NRXN3: variants seen among roughly 807,000 people sequenced by gnomAD.
The protein encoded by NRXN3 is neurexin III.
NRXN3 carries 32 observed loss-of-function variants against 137.6 expected under a neutral mutation model. The ratio of observed to expected loss-of-function variants is 0.23; its 90% CI spans 0.18 to 0.31. The LOEUF (loss-of-function observed/expected upper bound fraction) is 0.31, where lower values mean the gene tolerates loss of function less well. NRXN3 is among the 10% of genes least tolerant of loss of function. NRXN3 has a pLI of 1.00. For synonymous variants in NRXN3, 798 were observed against 784.5 expected (o/e 1.02, Z -0.29); for missense variants, 1,574 against 2,062.5 (o/e 0.76, Z 4.59).
At chr14:78,380,943 T>C (rs2088970085) in intron 4 of NRXN3, among the ~76,000 whole-genome samples, 1 of 152,172 alleles carries the variant, frequency 6.6e-6, no homozygotes, top group African/African-American at 2.4e-5. Flanking sequence ...CAAGACTGTG[T>C]GTTACTGGTA....
At chr14:79,815,255 G>T (rs899664845) in intron 20 of NRXN3, among the ~76,000 whole-genome samples, 1 of 152,178 alleles carries the variant, frequency 6.6e-6, no homozygotes. Flanking sequence ...ATGACACTTT[G>T]TAACAACTTT....
intron 10 of NRXN3, among the ~76,000 whole-genome samples, chr14:78,925,129 G>C (rs897062746): frequency 6.6e-6 from 1 of 152,168 alleles, no homozygotes; most frequent in Admixed American, 6.5e-5. Flanking sequence ...ATCCTATCTG[G>C]ATCTGTTAGG....
intron 19 of NRXN3, among the ~76,000 whole-genome samples, chr14:79,775,421 G>T (rs2099093599): frequency 6.6e-6 from 1 of 152,008 alleles, no homozygotes; most frequent in African/African-American, 2.4e-5. Flanking sequence ...AGTTAGGGTA[G>T]TAGGATATGG....
chr14:78,473,758 G>A (rs577248236), intron 4 of NRXN3, among the ~76,000 whole-genome samples: 16 of 152,326 alleles, frequency 1.1e-4, no homozygotes, highest in East Asian at 1.9e-4. Flanking sequence ...GACTGGGGCC[G>A]GAGGATCCAC....
At chr14:79,533,634 G>A (rs2097187972) in intron 16 of NRXN3, among the ~76,000 whole-genome samples, 1 of 152,068 alleles carries the variant, frequency 6.6e-6, no homozygotes, top group African/African-American at 2.4e-5. Context: ...AATCGTCCCA[G>A]TAAACCCATG....
intron 15 of NRXN3, among the ~76,000 whole-genome samples, chr14:79,295,263 G>T (rs2083870235): frequency 6.6e-6 from 1 of 151,938 alleles, no homozygotes; most frequent in Non-Finnish European, 1.5e-5. Context: ...TTTTCATCCA[G>T]ATTGCCGTAT....
At chr14:78,436,039 G>A (rs1385288958) in intron 4 of NRXN3, among the ~76,000 whole-genome samples, 2 of 152,226 alleles carry the variant, frequency 1.3e-5, no homozygotes, top group Admixed American at 1.3e-4. Flanking sequence ...GGCTGCCAGA[G>A]TTTGTAGGCT....
chr14:79,398,268 C>A (rs2095083964), intron 15 of NRXN3, among the ~76,000 whole-genome samples: 1 of 152,140 alleles, frequency 6.6e-6, no homozygotes, highest in African/African-American at 2.4e-5. Flanking sequence ...TTTCCATTGC[C>A]CAGTTACAAA....
intron 8 of NRXN3, among the ~76,000 whole-genome samples, chr14:78,778,796 CTTTCTTTCTTTCTTTCTTTCTT>C (rs2098757299): frequency 1.7e-5 from 2 of 119,868 alleles, no homozygotes; most frequent in Non-Finnish European, 3.5e-5. Context: ...TTCTTTCTTT[CTTTCTTTCTTTCTTTCTTTCTT>C]TCTTTTCCTT....
chr14:78,555,813 A>G (rs2096732094), intron 4 of NRXN3, among the ~76,000 whole-genome samples: 1 of 152,244 alleles, frequency 6.6e-6, no homozygotes, highest in Non-Finnish European at 1.5e-5. Flanking sequence ...TTGTGCCAAG[A>G]TGGTGGCAAG....
intron 20 of NRXN3, among the ~76,000 whole-genome samples, chr14:79,808,127 A>G (rs923833842): frequency 2.0e-5 from 3 of 151,810 alleles, no homozygotes; most frequent in Admixed American, 6.6e-5. Context: ...AGTCCCAGCT[A>G]CTCGGGAGGC....
rs532214163 is a variant in NRXN3 at position 79,764,784 on chromosome 14, A to G, written c.4015-40328A>G. 2.0e-5 allele frequency among the ~76,000 whole-genome samples: 3 copies of G among 152,318 alleles called. No individual in the cohort carries two copies. The East Asian group carries it at 5.8e-4, about 29-fold the overall frequency. ...CTATGTGACTTTATCTAGGCCAAAA[A>G]AATGGGATAAAAAACATGCAAAACC... On this transcript the variant is annotated intron_variant, in intron 19 of 20. Coordinates refer to ENST00000335750, the MANE Select transcript of NRXN3 (RefSeq NM_001330195.2).
chr14:79,433,919 G>A (rs565229725), intron 15 of NRXN3, among the ~76,000 whole-genome samples: 5 of 152,248 alleles, frequency 3.3e-5, no homozygotes, highest in South Asian at 2.1e-4. Context: ...CTTTCACAAT[G>A]CAAAAGTTGA....
rs112795410 is a variant in NRXN3 at position 78,230,328 on chromosome 14, GTCTCTC to G, written c.-703-12045_-703-12040del. On this transcript the variant is annotated intron_variant, in intron 1 of 20. Coordinates refer to ENST00000335750, the MANE Select transcript of NRXN3 (RefSeq NM_001330195.2). ...TCTGTCTCTGTCTCTGTCTCTGTCT[GTCTCTC>G]TCTCTCTCTCTCTCTCTGGCAGTGA... is the stretch of plus-strand genomic sequence containing the variant. Among the ~76,000 whole-genome samples the G allele has an allele frequency of 9.4e-3, 1,401 of 148,806 alleles. 10 individuals carry two copies. The highest frequency in any genetic ancestry group is 0.015 in the Non-Finnish European group (1,013 of 67,084).
intron 15 of NRXN3, among the ~76,000 whole-genome samples, chr14:79,076,677 G>A (rs1401375457): frequency 2.0e-5 from 3 of 152,176 alleles, no homozygotes; most frequent in Non-Finnish European, 2.9e-5. Flanking sequence ...TTAGAAGTGA[G>A]TCAATAAGTA....
At chr14:79,535,008 G>A (rs554798491) in intron 16 of NRXN3, among the ~76,000 whole-genome samples, 1 of 152,242 alleles carries the variant, frequency 6.6e-6, no homozygotes, top group East Asian at 1.9e-4. Flanking sequence ...AAGAAAGAAT[G>A]TAATAGATAC....
chr14:78,472,740 T>C (rs916858942), intron 4 of NRXN3, among the ~76,000 whole-genome samples: 1 of 152,112 alleles, frequency 6.6e-6, no homozygotes, highest in South Asian at 2.1e-4. Flanking sequence ...CGTTGGAGTT[T>C]ATTTTGGGAA....
chr14:78,493,359 T>TAA (rs11352302), intron 4 of NRXN3, among the ~76,000 whole-genome samples: 2 of 144,108 alleles, frequency 1.4e-5, no homozygotes, highest in East Asian at 4.1e-4. Flanking sequence ...CTGTCTCTAT[T>TAA]AAAAAAAAAA....
Position 79,249,838 on chromosome 14 carries a change from A to G in NRXN3, c.3263-217383A>G, listed in dbSNP as rs548849298. Among the ~76,000 whole-genome samples the G allele has an allele frequency of 2.3e-4, 35 of 152,342 alleles. No individual in the cohort carries two copies. In the East Asian group the frequency reaches 3.5e-3, roughly 15 times the overall value. The stretch of plus-strand genomic sequence containing the variant: ...AAAGTGAGAATATCTAACCCAGTGT[A>G]CCTGCCTAGCAGCAGAGGGGAATCT... On this transcript the variant is annotated intron_variant, in intron 15 of 20. Transcript: ENST00000335750.
Sources: gnomAD v4.1 joint callset for allele counts (sites outside exome capture counted in the v4.1 genomes callset) on GRCh38, gnomAD v4.1.1 for gene constraint, MANE v1.5 for transcripts, NCBI Gene and HGNC (gene_info 2026-07-23, HGNC 2026-07-21) for gene names.